TRPV5: variants seen among roughly 807,000 people sequenced by gnomAD.
The protein encoded by TRPV5 is calcium transport protein 2.
TRPV5 carries 66 observed loss-of-function variants against 74.1 expected under a neutral mutation model. The observed-to-expected ratio is 0.89, with a 90% confidence interval of 0.73 to 1.09. The LOEUF (loss-of-function observed/expected upper bound fraction) is 1.09. Among genes scored for constraint, TRPV5 ranks in the 50% least tolerant of loss-of-function variants. TRPV5 has a pLI of 0.00. For missense variants in TRPV5, 936 were observed against 930.4 expected (o/e 1.01, Z -0.08); for synonymous variants, 399 against 360.7 (o/e 1.11, Z -1.20).
rs1795941205 is a variant in TRPV5, at chr7:142,924,331, TATATACATATATATATATATA to T, written c.1122+1177_1122+1197del. On this transcript the variant is annotated intron_variant, in intron 8 of 14. Coordinates refer to ENST00000265310, the MANE Select transcript of TRPV5 (RefSeq NM_019841.7). Reference sequence around the variant, plus strand: ...ATATATACACACATATACATGTATATATATACATATATATATATATAGACATATACATGTATATATATACAT... The same window carrying T: ...ATATATACACACATATACATGTATATGACATATACATGTATATATATACAT... 5.2e-4 allele frequency among the ~76,000 whole-genome samples: 3 copies of T among 5,738 alleles called. 1 individual carries two copies. Among genetic ancestry groups the T allele is most frequent in the African/African-American group, 1.2e-3 (3 of 2,546 alleles). 3.8% of individuals were successfully genotyped at this position (5,738 alleles called of 152,430 possible).
At position 142,909,611 on chromosome 7, in the gene TRPV5, G is replaced by A. The variant is rs1035285653; in HGVS notation, c.1789-15C>T. The A allele has an allele frequency of 1.2e-6, 2 of 1,612,288 alleles. No individual in the cohort carries two copies. Among genetic ancestry groups the A allele is most frequent in the African/African-American group, 2.7e-5 (2 of 74,890 alleles). ...GTGGCCACGACCTGGAAGGAGGCAGGAGATACAGGAAGAACTCTGAAAGAG... is the reference window on the plus strand; with the variant it reads ...GTGGCCACGACCTGGAAGGAGGCAGAAGATACAGGAAGAACTCTGAAAGAG... On this transcript the variant is annotated splice_polypyrimidine_tract_variant and intron_variant, in intron 13 of 14. Transcript: ENST00000265310.
chr7:142,915,345 A>G lies in TRPV5; in HGVS notation c.1248T>C (p.Phe416=), dbSNP rs1403694029. The G allele has an allele frequency of 6.2e-7, 1 of 1,607,628 alleles. No homozygotes were observed. The highest frequency in any genetic ancestry group is 1.7e-5 in the Admixed American group (1 of 57,362). ...ATGGCCCCCCAAGAATCGTCTTTCC[A>G]AAATAGCGAGAGGCACCAACCCTGA... ...DIFRVGASRY[F]GKTILGGPFH... Residue 416 remains phenylalanine (F), a synonymous_variant, in exon 10 of 15, where the codon TTT becomes TTC. Transcript: ENST00000265310.
chr7:142,914,936 A>T lies in TRPV5; in HGVS notation c.1397T>A (p.Met466Lys). 6.2e-7 allele frequency: 1 copy of T among 1,614,144 alleles called. No individual in the cohort carries two copies. The highest frequency in any genetic ancestry group is 8.5e-7 in the Non-Finnish European group (1 of 1,180,026). ...FALVLGWCSVMYFTRGFQMLG... is the reference protein window; with the variant it reads ...FALVLGWCSVKYFTRGFQMLG... Reference sequence around the variant, plus strand: ...CATCTGGAATCCTCGAGTGAAATACATGACACTGCACCAGCCCAGCACCAG... The same window carrying T: ...CATCTGGAATCCTCGAGTGAAATACTTGACACTGCACCAGCCCAGCACCAG... Residue 466 changes from methionine to lysine, a missense_variant, in exon 11 of 15, where the codon ATG becomes AAG. Transcript: ENST00000265310.
intron 11 of TRPV5, 59 bp downstream of exon 11, chr7:142,914,822 T>A: frequency 6.2e-7 from 1 of 1,610,062 alleles, no homozygotes; most frequent in Non-Finnish European, 8.5e-7. Context: ...TCTACCTCCA[T>A]CCCTCTGTCT....
intron 8 of TRPV5, among the ~76,000 whole-genome samples, chr7:142,918,724 A>C (rs4252471): frequency 0.029 from 4,412 of 152,296 alleles, 207 homozygotes; most frequent in African/African-American, 0.099. Flanking sequence ...AGCTAAAAGA[A>C]AGAAAAACTG....
At chr7:142,909,352 ATT>A (rs1795669156) in intron 14 of TRPV5, 136 bp downstream of exon 14, 2 of 836,304 alleles carry the variant, frequency 2.4e-6, no homozygotes, top group Admixed American at 5.2e-5. Flanking sequence ...TACACACAGC[ATT>A]CTTCGTACCC....
At chr7:142,929,711 A>G in intron 3 of TRPV5, 146 bp from the exon 4 acceptor site, 1 of 1,286,738 alleles carries the variant, frequency 7.8e-7, no homozygotes, top group Non-Finnish European at 1.1e-6. Flanking sequence ...CCTGGGACTA[A>G]GAGCAATTCA....
intron 1 of TRPV5, among the ~76,000 whole-genome samples, chr7:142,930,841 T>G (rs1796077780): frequency 6.6e-6 from 1 of 152,064 alleles, no homozygotes; most frequent in Non-Finnish European, 1.5e-5. Flanking sequence ...AGAGGGCACT[T>G]CCATCTGCGG....
In TRPV5 at chr7:142,913,683, TTTTG is replaced by T. The variant is rs200206349; in HGVS notation, c.1520-937_1520-934del. On this transcript the variant is annotated intron_variant, in intron 12 of 14. Transcript: ENST00000265310. ...TGGGGGTTTTGTTGTTGTTGTTTTG[TTTTG>T]TTTGTTTTTTGTTTTGGTCTGTTGT... Among the ~76,000 whole-genome samples, 691 of 152,260 alleles carry T rather than the reference TTTTG, an allele frequency of 4.5e-3. 4 individuals carry two copies. Among genetic ancestry groups the T allele is most frequent in the African/African-American group, 0.015 (639 of 41,536 alleles).
intron 8 of TRPV5, among the ~76,000 whole-genome samples, chr7:142,916,714 C>T (rs1236174722): frequency 1.3e-5 from 2 of 152,146 alleles, no homozygotes; most frequent in East Asian, 3.9e-4. Flanking sequence ...CCCTGCTCTG[C>T]TAATCAGCTG....
Position 142,929,520 on chromosome 7 carries a change from AG to A in TRPV5, c.394del (p.Leu132TrpfsTer42). The A allele has an allele frequency of 1.2e-6, 2 of 1,614,164 alleles. No homozygotes were observed. The highest frequency in any genetic ancestry group is 1.1e-5 in the South Asian group (1 of 91,082). ...HIAVVNQNVN[L>X]VRALLTRRAS... The stretch of plus-strand genomic sequence containing the variant: ...CCTGCGGGTGAGCAGGGCACGCACC[AG>A]GTTCACATTCTGGTTCACAACAGCG... On this transcript the variant is annotated frameshift_variant, in exon 4 of 15. Coordinates refer to ENST00000265310, the MANE Select transcript of TRPV5 (RefSeq NM_019841.7). LOFTEE classifies it high-confidence loss of function.
rs148960079 is a variant in TRPV5, at chr7:142,909,594, G to A, written c.1791C>T (p.Val597=). The A allele has an allele frequency of 6.4e-5, 104 of 1,613,754 alleles. No homozygotes were observed. The highest frequency in any genetic ancestry group is 8.9e-5 in the East Asian group (4 of 44,876). The change falls in exon 14 of 15, where the codon GTC becomes GTT. Residue 597 remains valine (V), a splice_region_variant and synonymous_variant. Transcript: ENST00000265310. ...QERDELWRAQ[V]VATTVMLERK... is the part of the protein sequence containing the mutation. ...GCTCCAGCATCACTGTGGTGGCCAC[G>A]ACCTGGAAGGAGGCAGGAGATACAG...
chr7:142,915,527 C>T lies in TRPV5; in HGVS notation c.1164G>A (p.Gly388=), dbSNP rs964375560. 2.5e-6 allele frequency: 4 copies of T among 1,614,052 alleles called. No homozygotes were observed. In the African/African-American group the frequency reaches 5.3e-5, roughly 22 times the overall value. The change falls in exon 9 of 15, where the codon GGG becomes GGA. Residue 388 remains glycine, a synonymous_variant. Coordinates refer to ENST00000265310, the MANE Select transcript of TRPV5 (RefSeq NM_019841.7). ...ETREDIIRLV[G]ELVSIVGAVI... ...CAGCCCCAACGATGCTCACCAGCTCCCCCACCAGCCTGATGATATCTTCAC... is the reference window on the plus strand; with the variant it reads ...CAGCCCCAACGATGCTCACCAGCTCTCCCACCAGCCTGATGATATCTTCAC...
Position 142,925,616 on chromosome 7 carries a change from C to T in TRPV5, c.1035G>A (p.Thr345=), listed in dbSNP as rs202171798. The T allele has an allele frequency of 1.4e-4, 218 of 1,614,004 alleles. No individual in the cohort carries two copies. The highest frequency in any genetic ancestry group is 1.6e-4 in the Non-Finnish European group (190 of 1,180,042). ...LYLLYMICFT[T]CCVYRPLKFR... is the part of the protein sequence containing the mutation. ...ACTTAAGGGGGCGGTAGACGCAGCA[C>T]GTAGTAAAGCAGATCATGTAGAGCA... is the stretch of plus-strand genomic sequence containing the variant. Residue 345 remains threonine (T), a synonymous_variant, in exon 8 of 15, where the codon ACG becomes ACA. Coordinates refer to ENST00000265310, the MANE Select transcript of TRPV5 (RefSeq NM_019841.7).
intron 13 of TRPV5, among the ~76,000 whole-genome samples, chr7:142,910,865 TG>T (rs1795692079): frequency 6.6e-6 from 1 of 152,152 alleles, no homozygotes; most frequent in Admixed American, 6.5e-5. Context: ...TTGGTTTGAG[TG>T]GACTGGGCTT....
intron 8 of TRPV5, chr7:142,925,221 TC>T: frequency 1.8e-6 from 1 of 563,830 alleles, no homozygotes; most frequent in Non-Finnish European, 3.2e-6. Context: ...ACCTTGAACA[TC>T]CCACTAAAAA....
At chr7:142,928,322 C>T (rs4252416) in intron 6 of TRPV5, 88 bp from the exon 7 acceptor site, 3 of 1,426,382 alleles carry the variant, frequency 2.1e-6, no homozygotes, top group African/African-American at 2.8e-5. Flanking sequence ...CAGTTGCCCA[C>T]CCCTTGAGAC....
intron 12 of TRPV5, among the ~76,000 whole-genome samples, chr7:142,914,339 G>T (rs1234155728): frequency 6.6e-6 from 1 of 152,088 alleles, no homozygotes; most frequent in Non-Finnish European, 1.5e-5. Context: ...TTAATGCCCT[G>T]TTCTCACCAA....
At chr7:142,930,832 G>A (rs1563378740) in intron 1 of TRPV5, among the ~76,000 whole-genome samples, 1 of 152,166 alleles carries the variant, frequency 6.6e-6, no homozygotes, top group South Asian at 2.1e-4. Flanking sequence ...GAGCGGGACA[G>A]AGGGCACTTC....
Sources: gnomAD v4.1 joint callset for allele counts (sites outside exome capture counted in the v4.1 genomes callset) on GRCh38, gnomAD v4.1.1 for gene constraint, MANE v1.5 for transcripts, NCBI Gene and HGNC (gene_info 2026-07-23, HGNC 2026-07-21) for gene names.